Variants in PACRG observed in about 807,000 individuals in gnomAD.
The protein encoded by PACRG is parkin coregulated gene protein.
In PACRG, 29 loss-of-function variants were observed where a neutral mutation model predicts 29.7. The observed-to-expected ratio is 0.98, with a 90% CI of 0.73 to 1.33. PACRG has a LOEUF of 1.33. Among genes scored for constraint, PACRG ranks in the 40% most tolerant of loss-of-function variants. The pLI, the probability that PACRG is intolerant of heterozygous loss-of-function variation, is 0.00. For missense variants in PACRG, 279 were observed against 316.2 expected (o/e 0.88, Z 0.89); for synonymous variants, 116 against 118.7 (o/e 0.98, Z 0.15).
In PACRG at chr6:163,115,803, A is replaced by C. The variant is rs565469530; in HGVS notation, c.613+26395A>C. Among the ~76,000 whole-genome samples the C allele has an allele frequency of 9.8e-5, 15 of 152,292 alleles. No individual in the cohort carries two copies. In the East Asian group the frequency reaches 1.2e-3, roughly 12 times the overall value. Reference sequence around the variant, plus strand: ...CTCTGGAGAGACCATGAGATCAAACATAAGAATCCTGCATTCCTCTGTCAG... The same window carrying C: ...CTCTGGAGAGACCATGAGATCAAACCTAAGAATCCTGCATTCCTCTGTCAG... On this transcript the variant is annotated intron_variant, in intron 4 of 4. Transcript: ENST00000366888.
chr6:163,111,211 C>A (rs1170997314), intron 4 of PACRG, among the ~76,000 whole-genome samples: 1 of 152,188 alleles, frequency 6.6e-6, no homozygotes, highest in Non-Finnish European at 1.5e-5. Context: ...CCCTCCCACA[C>A]TGTAGTTAAT....
chr6:162,964,503 C>T (rs1355465946), intron 2 of PACRG, among the ~76,000 whole-genome samples: 1 of 152,086 alleles, frequency 6.6e-6, no homozygotes, highest in East Asian at 1.9e-4. Context: ...GGCAGCATTC[C>T]AGAAGTAGGA....
chr6:162,894,064 C>T (rs1402220251), intron 2 of PACRG, among the ~76,000 whole-genome samples: 2 of 152,204 alleles, frequency 1.3e-5, no homozygotes, highest in South Asian at 2.1e-4. Context: ...TCTGGTTTTG[C>T]TGAGCTGCTG....
At chr6:162,930,342 T>C (rs1034329777) in intron 2 of PACRG, among the ~76,000 whole-genome samples, 1 of 151,934 alleles carries the variant, frequency 6.6e-6, no homozygotes, top group Non-Finnish European at 1.5e-5. Context: ...TATTTTATAT[T>C]CTTTGTAACT....
intron 2 of PACRG, among the ~76,000 whole-genome samples, chr6:162,951,489 C>T (rs59399107): frequency 0.018 from 2,725 of 152,260 alleles, 86 homozygotes; most frequent in African/African-American, 0.063. Flanking sequence ...GATTCTCAGC[C>T]ACAGTCTGTT....
At chr6:162,956,552 T>A (rs1030921806) in intron 2 of PACRG, among the ~76,000 whole-genome samples, 5 of 152,322 alleles carry the variant, frequency 3.3e-5, no homozygotes, top group African/African-American at 1.2e-4. Flanking sequence ...AAGTCTCAGA[T>A]GAGAGTGTTG....
chr6:162,990,347 CCCA>C (rs1435669485), intron 2 of PACRG, among the ~76,000 whole-genome samples: 2 of 151,838 alleles, frequency 1.3e-5, no homozygotes, highest in South Asian at 2.1e-4. Context: ...AGTTTACAAT[CCCA>C]CCAACAGTGT....
At chr6:163,190,731 G>A (rs1462532598) in intron 4 of PACRG, 1 of 233,252 alleles carries the variant, frequency 4.3e-6, no homozygotes, top group African/African-American at 2.3e-5. Flanking sequence ...ACTAGAATTG[G>A]GCAAAAGTGT....
intron 4 of PACRG, among the ~76,000 whole-genome samples, chr6:163,110,429 T>C (rs1815650033): frequency 6.6e-6 from 1 of 152,190 alleles, no homozygotes; most frequent in African/African-American, 2.4e-5. Flanking sequence ...GAGTTCAAAG[T>C]GCCAGTGACA....
intron 2 of PACRG, among the ~76,000 whole-genome samples, chr6:162,849,490 C>T (rs1188563550): frequency 6.6e-6 from 1 of 152,142 alleles, no homozygotes; most frequent in Non-Finnish European, 1.5e-5. Flanking sequence ...AACAGTGCAC[C>T]CCCCAGGGGA....
intron 1 of PACRG, among the ~76,000 whole-genome samples, chr6:162,781,683 T>C (rs1784103187): frequency 2.1e-5 from 3 of 141,058 alleles, no homozygotes; most frequent in African/African-American, 8.4e-5. Flanking sequence ...AGGTATAGTA[T>C]ACTATCACTT....
At chr6:163,067,997 C>A (rs564445633) in intron 3 of PACRG, among the ~76,000 whole-genome samples, 3 of 152,234 alleles carry the variant, frequency 2.0e-5, no homozygotes, top group African/African-American at 7.2e-5. Context: ...ATTAAATAAC[C>A]CAGATTTATC....
intron 4 of PACRG, chr6:163,182,997 A>C (rs1779744700): frequency 6.6e-6 from 1 of 152,232 alleles, no homozygotes; most frequent in Non-Finnish European, 1.5e-5. Flanking sequence ...ATAGGATTTA[A>C]ATAGTTTAGA....
chr6:162,817,895 G>A (rs1787495976), intron 2 of PACRG, among the ~76,000 whole-genome samples: 1 of 152,076 alleles, frequency 6.6e-6, no homozygotes, highest in African/African-American at 2.4e-5. Flanking sequence ...TGTGAGAAAC[G>A]TTTTGCAAAA....
chr6:163,025,403 CCAATGTA>C (rs768136854), intron 2 of PACRG, among the ~76,000 whole-genome samples: 1 of 152,106 alleles, frequency 6.6e-6, no homozygotes, highest in Non-Finnish European at 1.5e-5. Flanking sequence ...GGATGCAAAC[CCAATGTA>C]CAAAAATCAG....
chr6:163,084,001 C>A (rs1813312525), intron 3 of PACRG, among the ~76,000 whole-genome samples: 1 of 152,094 alleles, frequency 6.6e-6, no homozygotes. Flanking sequence ...CCACCCTTGA[C>A]TTCAAATTAT....
chr6:163,069,108 G>T (rs1811810893), intron 3 of PACRG, among the ~76,000 whole-genome samples: 1 of 151,994 alleles, frequency 6.6e-6, no homozygotes, highest in Non-Finnish European at 1.5e-5. Flanking sequence ...TACTGGGCTT[G>T]CAGTGCTCCC....
intron 4 of PACRG, among the ~76,000 whole-genome samples, chr6:163,252,599 A>T (rs1782953194): frequency 6.6e-6 from 1 of 151,820 alleles, no homozygotes; most frequent in African/African-American, 2.4e-5. Flanking sequence ...TCATCTTTCC[A>T]CTCCTAAGTT....
At chr6:163,048,771 A>G (rs1344438792) in intron 2 of PACRG, among the ~76,000 whole-genome samples, 1 of 152,098 alleles carries the variant, frequency 6.6e-6, no homozygotes, top group Non-Finnish European at 1.5e-5. Context: ...AAATTTCCAA[A>G]TATATGGGGG....
Sources: allele counts gnomAD v4.1 joint callset (sites outside exome capture counted in the v4.1 genomes callset), GRCh38; gene constraint gnomAD v4.1.1; transcripts MANE v1.5; gene names NCBI Gene and HGNC (gene_info 2026-07-23, HGNC 2026-07-21).